Variants in ASIC5 observed in about 807,000 individuals in gnomAD.
The protein encoded by ASIC5 is acid sensing ion channel subunit family member 5.
Under a neutral mutation model 51.2 loss-of-function variants are expected in ASIC5, and 52 were observed. The ratio of observed to expected loss-of-function variants is 1.02; its 90% CI spans 0.81 to 1.28. ASIC5 has a LOEUF of 1.28. Ranked by LOEUF, ASIC5 falls within the 50% of genes most tolerant of loss-of-function variation. ASIC5 has a pLI of 0.00. For missense variants in ASIC5, 635 were observed against 595.0 expected, an observed-to-expected ratio of 1.07 and a Z score of -0.70; for synonymous variants, 231 against 200.7, an observed-to-expected ratio of 1.15 and a Z score of -1.28.
chr4:155,841,006 A>C (rs1448938783), intron 6 of ASIC5, among the ~76,000 whole-genome samples: 1 of 151,986 alleles, frequency 6.6e-6, no homozygotes, highest in South Asian at 2.1e-4. Context: ...ACCAATCAGA[A>C]CCCCTGATTC....
intron 2 of ASIC5, among the ~76,000 whole-genome samples, chr4:155,859,065 A>G (rs1741623722): frequency 6.6e-6 from 1 of 151,934 alleles, no homozygotes; most frequent in Admixed American, 6.6e-5. Flanking sequence ...GGCCCCTGAG[A>G]AGGTATGTGC....
Position 155,830,055 on chromosome 4 carries a change from A to C in ASIC5, c.1328-9T>G, listed in dbSNP as rs751607701. The C allele has an allele frequency of 1.3e-6, 2 of 1,510,580 alleles. No individual in the cohort carries two copies. The highest frequency in any genetic ancestry group is 4.8e-5 in the Admixed American group (2 of 41,910). The allele number at this position is 1,510,580 out of a possible 1,614,324, so 93.6% of individuals were successfully genotyped here. ...CTGACCACCAAGATCTGCTGTAATAAAACCAATAAAGATTGAATGTCATTA... is the reference window on the plus strand; with the variant it reads ...CTGACCACCAAGATCTGCTGTAATACAACCAATAAAGATTGAATGTCATTA... On this transcript the variant is annotated splice_polypyrimidine_tract_variant and intron_variant, in intron 9 of 9. Transcript: ENST00000537611.
chr4:155,859,753 C>G (rs1416625808), intron 2 of ASIC5, among the ~76,000 whole-genome samples: 1 of 152,002 alleles, frequency 6.6e-6, no homozygotes. Flanking sequence ...TGTTTCCATC[C>G]TCTTTTTACA....
intron 4 of ASIC5, among the ~76,000 whole-genome samples, chr4:155,850,948 A>G (rs17033613): frequency 0.062 from 9,479 of 152,072 alleles, 993 homozygotes; most frequent in African/African-American, 0.22. Flanking sequence ...TATAAAGAAT[A>G]TCGTCTATGA....
chr4:155,831,769 G>A, intron 9 of ASIC5, 55 bp downstream of exon 9: 2 of 1,188,094 alleles, frequency 1.7e-6, no homozygotes, highest in Admixed American at 1.8e-5. Flanking sequence ...GCGAGATTCT[G>A]TCTCAAAATA....
At chr4:155,864,679 T>A (rs1228062719) in intron 1 of ASIC5, 1 of 152,148 alleles carries the variant, frequency 6.6e-6, no homozygotes, top group Non-Finnish European at 1.5e-5. Context: ...ATGGCAGCAA[T>A]GGTATCTGCC....
intron 6 of ASIC5, among the ~76,000 whole-genome samples, chr4:155,839,348 TACACACAC>T (rs60209135): frequency 0.71 from 104,790 of 147,318 alleles, 40,071 homozygotes; most frequent in Non-Finnish European, 0.85. Flanking sequence ...TCTATCCATT[TACACACAC>T]ACACACACAC....
At position 155,866,220 on chromosome 4, in the gene ASIC5, G is replaced by T. The variant is rs769602430; in HGVS notation, c.7C>A (p.Gln3Lys). The change falls in exon 1 of 10, where the codon CAG (glutamine) becomes AAG (lysine). Residue 3 changes from glutamine (Q) to lysine (K), a missense_variant. Physicochemically the swap from Gln to Lys is moderately conservative, Grantham distance 53. Coordinates refer to ENST00000537611, the MANE Select transcript of ASIC5 (RefSeq NM_017419.3). The stretch of plus-strand genomic sequence containing the variant: ...GCATATACTTTTGATTTTTCTGTCT[G>T]CTCCATTTGTGATTTCAGTTAAGCA... ME[Q>K]TEKSKVYAEN... 2 of 1,607,596 alleles carry T rather than the reference G, an allele frequency of 1.2e-6. No homozygotes were observed. Among genetic ancestry groups the T allele is most frequent in the Admixed American group, 3.3e-5 (2 of 59,710 alleles).
At chr4:155,830,137 C>G (rs559867949) in intron 9 of ASIC5, 91 bp from the exon 10 acceptor site, 1 of 794,200 alleles carries the variant, frequency 1.3e-6, no homozygotes, top group Admixed American at 3.7e-5. Context: ...AAAATAGAGT[C>G]ATAACTGAGA....
At chr4:155,837,590 G>C (rs1019702634) in intron 7 of ASIC5, among the ~76,000 whole-genome samples, 1 of 151,998 alleles carries the variant, frequency 6.6e-6, no homozygotes, top group African/African-American at 2.4e-5. Context: ...CTTTGTTCTC[G>C]TGAATCAGTT....
At chr4:155,830,491 A>G (rs1673845676) in intron 9 of ASIC5, among the ~76,000 whole-genome samples, 1 of 152,208 alleles carries the variant, frequency 6.6e-6, no homozygotes, top group South Asian at 2.1e-4. Flanking sequence ...ATGCATTCAT[A>G]ATATTTCCTT....
intron 4 of ASIC5, among the ~76,000 whole-genome samples, chr4:155,850,101 T>G (rs1446536151): frequency 2.0e-5 from 3 of 150,844 alleles, no homozygotes; most frequent in African/African-American, 7.3e-5. Flanking sequence ...AAATGCTTTC[T>G]CCTAAAGATT....
chr4:155,855,182 C>T (rs969113564), intron 2 of ASIC5: 3 of 151,774 alleles, frequency 2.0e-5, no homozygotes, highest in African/African-American at 7.3e-5. Flanking sequence ...GATGGTATGA[C>T]TTAGCAAATT....
chr4:155,845,355 G>T (rs376062245), intron 4 of ASIC5, among the ~76,000 whole-genome samples: 4 of 144,864 alleles, frequency 2.8e-5, no homozygotes, highest in East Asian at 2.0e-4. Flanking sequence ...GTTTTTGTGG[G>T]TTTTTTTTTT....
chr4:155,854,722 CT>C (rs1741483708), intron 2 of ASIC5: 1 of 174,006 alleles, frequency 5.7e-6, no homozygotes, highest in Admixed American at 5.9e-5. Context: ...GTGAGTTTCA[CT>C]GTCGTGCAGG....
At chr4:155,864,333 C>G (rs1481421951) in intron 1 of ASIC5, among the ~76,000 whole-genome samples, 1 of 152,042 alleles carries the variant, frequency 6.6e-6, no homozygotes, top group African/African-American at 2.4e-5. Flanking sequence ...GTTAAGTAAT[C>G]TATTTTCTAC....
At chr4:155,863,301 T>G (rs951478826) in intron 2 of ASIC5, 147 bp downstream of exon 2, 17 of 616,222 alleles carry the variant, frequency 2.8e-5, no homozygotes, top group Non-Finnish European at 4.7e-5. Context: ...CTTAAATTTG[T>G]GCTTTTGAGT....
intron 7 of ASIC5, among the ~76,000 whole-genome samples, chr4:155,838,344 C>T (rs965859896): frequency 4.6e-5 from 7 of 152,080 alleles, no homozygotes; most frequent in African/African-American, 1.7e-4. Context: ...AGAACTTGTC[C>T]CCAATAAATA....
intron 7 of ASIC5, 96 bp from the exon 8 acceptor site, chr4:155,836,953 A>T (rs1174979173): frequency 1.2e-5 from 11 of 930,046 alleles, no homozygotes; most frequent in Admixed American, 5.6e-5. Flanking sequence ...TTTCAATATT[A>T]AAAAAAGGTG....
Sources: allele counts gnomAD v4.1 joint callset (sites outside exome capture counted in the v4.1 genomes callset), GRCh38; gene constraint gnomAD v4.1.1; transcripts MANE v1.5; gene names NCBI Gene and HGNC (gene_info 2026-07-23, HGNC 2026-07-21).